Variants in CDC34 observed in about 807,000 individuals in gnomAD.
The protein encoded by CDC34 is cell division cycle 34, ubiquitin conjugating enzyme, also known as ubiquitin-conjugating enzyme E2 R1.
A neutral mutation model predicts 26.8 loss-of-function variants in CDC34; 18 were observed. The observed-to-expected ratio is 0.67, with a 90% CI of 0.47 to 1.00. The LOEUF (loss-of-function observed/expected upper bound fraction) is 1.00, where lower values mean the gene tolerates loss of function less well. Ranked by LOEUF, CDC34 falls within the 50% of genes least tolerant of loss-of-function variation. The pLI, the probability that CDC34 is intolerant of heterozygous loss-of-function variation, is 0.00. For missense variants in CDC34, 280 were observed against 334.5 expected (o/e 0.84, Z 1.27); for synonymous variants, 178 against 147.5 (o/e 1.21, Z -1.50).
intron 1 of CDC34, 114 bp downstream of exon 1, chr19:532,222 C>T: frequency 2.4e-6 from 2 of 822,952 alleles, no homozygotes; most frequent in Non-Finnish European, 3.5e-6. Context: ...CCCGAAGCCT[C>T]CTGGCTTGGG....
chr19:541,494 A>G lies in CDC34; in HGVS notation c.653A>G (p.Glu218Gly), dbSNP rs748875983. ...DDYYEDGEVE[E>G]EADSCFGDDE... is the part of the protein sequence containing the mutation. ...TACTACGAGGACGGCGAGGTGGAGGAGGAGGCCGACAGCTGCTTCGGGGAC... is the reference window on the plus strand; with the variant it reads ...TACTACGAGGACGGCGAGGTGGAGGGGGAGGCCGACAGCTGCTTCGGGGAC... The change falls in exon 5 of 5, where the codon GAG becomes GGG. Residue 218 changes from glutamate to glycine, a missense_variant. Coordinates refer to ENST00000215574, the MANE Select transcript of CDC34 (RefSeq NM_004359.2). 1 of 1,610,806 alleles carries G rather than the reference A, an allele frequency of 6.2e-7. No homozygotes were observed. Among genetic ancestry groups the G allele is most frequent in the Admixed American group, 1.7e-5 (1 of 59,774 alleles).
intron 4 of CDC34, chr19:538,980 C>T: frequency 4.1e-6 from 4 of 985,350 alleles, no homozygotes; most frequent in Non-Finnish European, 4.8e-6. Flanking sequence ...CCTGAGGCAC[C>T]ACCTCCTTGA....
Position 536,356 on chromosome 19 carries a change from C to A in CDC34, c.362+16C>A, listed in dbSNP as rs1979750183. The A allele has an allele frequency of 6.3e-7, 1 of 1,588,938 alleles. No individual in the cohort carries two copies. Among genetic ancestry groups the A allele is most frequent in the Non-Finnish European group, 8.6e-7 (1 of 1,162,010 alleles). ...AGAACGTCAGGTAAGCCGGCCCAACCCCCTGTGTCCACCCAGAACATCAGG... is the reference window on the plus strand; with the variant it reads ...AGAACGTCAGGTAAGCCGGCCCAACACCCTGTGTCCACCCAGAACATCAGG... On this transcript the variant is annotated intron_variant, in intron 3 of 4. Transcript: ENST00000215574.
chr19:537,183 T>A, intron 4 of CDC34, 36 bp downstream of exon 4: 1 of 1,608,654 alleles, frequency 6.2e-7, no homozygotes, highest in Non-Finnish European at 8.5e-7. Flanking sequence ...GAGGAGAGAC[T>A]CAGATCCGGC....
chr19:535,811 G>C (rs778473843), intron 1 of CDC34, 26 bp from the exon 2 acceptor site: 23 of 1,592,624 alleles, frequency 1.4e-5, no homozygotes, highest in Non-Finnish European at 1.9e-5. Context: ...GGGCTGGACT[G>C]AGCCACCTGC....
chr19:539,523 G>C (rs879919040), intron 4 of CDC34, among the ~76,000 whole-genome samples: 69 of 152,238 alleles, frequency 4.5e-4, no homozygotes, highest in Non-Finnish European at 1.9e-4. Context: ...CCAGACGCCT[G>C]CCCTCCACGC....
rs777711920 is a variant in CDC34, at chr19:541,466, G to A, written c.625G>A (p.Asp209Asn). ...PDEGSDLFYD[D>N]YYEDGEVEEE... Reference sequence around the variant, plus strand: ...CGAGGGCTCAGACCTCTTCTACGACGACTACTACGAGGACGGCGAGGTGGA... The same window carrying A: ...CGAGGGCTCAGACCTCTTCTACGACAACTACTACGAGGACGGCGAGGTGGA... Residue 209 changes from aspartate (D) to asparagine (N), a missense_variant, in exon 5 of 5, where the codon GAC becomes AAC. Asp to Asn is a conservative substitution (Grantham distance 23, BLOSUM62 1). Transcript: ENST00000215574. The A allele has an allele frequency of 2.5e-6, 4 of 1,612,418 alleles. No individual in the cohort carries two copies. The highest frequency in any genetic ancestry group is 8.5e-7 in the Non-Finnish European group (1 of 1,179,718).
At chr19:537,563 A>G (rs551967354) in intron 4 of CDC34, among the ~76,000 whole-genome samples, 26 of 150,668 alleles carry the variant, frequency 1.7e-4, no homozygotes, top group African/African-American at 5.1e-4. Flanking sequence ...CGTGTTAGCC[A>G]GGATGGTCTC....
chr19:532,218 G>A lies in CDC34; in HGVS notation c.177+110G>A, dbSNP rs554753992. Reference sequence around the variant, plus strand: ...GCGCTGTTGCTGGGCGGGCCCCGAAGCCTCCTGGCTTGGGCTCGTTTCCCT... The same window carrying A: ...GCGCTGTTGCTGGGCGGGCCCCGAAACCTCCTGGCTTGGGCTCGTTTCCCT... On this transcript the variant is annotated intron_variant, in intron 1 of 4. Coordinates refer to ENST00000215574, the MANE Select transcript of CDC34 (RefSeq NM_004359.2). The A allele has an allele frequency of 6.3e-5, 55 of 875,918 alleles. No individual in the cohort carries two copies. The African/African-American group carries it at 8.6e-4, about 14-fold the overall frequency. 54.3% of individuals were successfully genotyped at this position (875,918 alleles called of 1,614,324 possible).
intron 4 of CDC34, among the ~76,000 whole-genome samples, chr19:537,673 G>A: frequency 7.8e-5 from 1 of 12,858 alleles, no homozygotes; most frequent in Non-Finnish European, 2.2e-4. Context: ...TTTTTTTTTT[G>A]GAGACAGAGT....
At chr19:540,048 A>G (rs1455240976) in intron 4 of CDC34, among the ~76,000 whole-genome samples, 119 of 79,574 alleles carry the variant, frequency 1.5e-3, no homozygotes, top group African/African-American at 3.8e-3. Flanking sequence ...CAGGCCCCCC[A>G]CGTTTAGAAT....
At chr19:534,391 C>A (rs1204505858) in intron 1 of CDC34, among the ~76,000 whole-genome samples, 1 of 150,250 alleles carries the variant, frequency 6.7e-6, no homozygotes, top group Non-Finnish European at 1.5e-5. Flanking sequence ...CCGGGAGGGG[C>A]CTCGCCCACA....
At chr19:532,970 C>T (rs1407759865) in intron 1 of CDC34, among the ~76,000 whole-genome samples, 2 of 152,182 alleles carry the variant, frequency 1.3e-5, no homozygotes, top group Non-Finnish European at 2.9e-5. Context: ...ACCCCGAGTT[C>T]TGGGCCGTTT....
Position 532,242 on chromosome 19 carries a change from C to T in CDC34, c.177+134C>T, listed in dbSNP as rs977231796. 20 of 616,812 alleles carry T rather than the reference C, an allele frequency of 3.2e-5. No homozygotes were observed. The East Asian group carries it at 6.3e-4, about 19-fold the overall frequency. The allele number at this position is 616,812 out of a possible 1,614,324, so 38.2% of individuals were successfully genotyped here. On this transcript the variant is annotated intron_variant, in intron 1 of 4. Coordinates refer to ENST00000215574, the MANE Select transcript of CDC34 (RefSeq NM_004359.2). Reference sequence around the variant, plus strand: ...AGCCTCCTGGCTTGGGCTCGTTTCCCTTCTATGGCCACGTTCCCCCACCCA... The same window carrying T: ...AGCCTCCTGGCTTGGGCTCGTTTCCTTTCTATGGCCACGTTCCCCCACCCA...
At chr19:534,931 A>G (rs1568329762) in intron 1 of CDC34, among the ~76,000 whole-genome samples, 1 of 152,104 alleles carries the variant, frequency 6.6e-6, no homozygotes, top group Non-Finnish European at 1.5e-5. Context: ...GGCTTCCACC[A>G]CGATCGCTCT....
At chr19:532,789 G>A (rs562765177) in intron 1 of CDC34, among the ~76,000 whole-genome samples, 2 of 152,172 alleles carry the variant, frequency 1.3e-5, no homozygotes, top group Non-Finnish European at 2.9e-5. Flanking sequence ...CTGCGCCCTC[G>A]GGAAGGCCGA....
At chr19:538,556 G>T in intron 4 of CDC34, 1 of 250,148 alleles carries the variant, frequency 4.0e-6, no homozygotes, top group African/African-American at 2.3e-5. Flanking sequence ...TTCTCAGAGT[G>T]ATATTGCATA....
intron 4 of CDC34, among the ~76,000 whole-genome samples, chr19:539,402 C>T (rs1385641737): frequency 1.3e-5 from 2 of 151,458 alleles, no homozygotes; most frequent in South Asian, 2.1e-4. Flanking sequence ...TGCTGCCACC[C>T]GTGCAGTGCC....
chr19:538,907 G>A (rs192543890), intron 4 of CDC34: 30 of 985,204 alleles, frequency 3.0e-5, no homozygotes, highest in Admixed American at 6.1e-5. Context: ...CGGTGGCCCC[G>A]GTCCGGTCGT....
Sources: gnomAD v4.1 joint callset for allele counts (sites outside exome capture counted in the v4.1 genomes callset) on GRCh38, gnomAD v4.1.1 for gene constraint, MANE v1.5 for transcripts, NCBI Gene and HGNC (gene_info 2026-07-23, HGNC 2026-07-21) for gene names.